The following EGFL8 variants were observed in gnomAD, a reference collection of about 807,000 sequenced individuals.
EGFL8 encodes epidermal growth factor-like protein 8.
In EGFL8, 32 loss-of-function variants were observed where a neutral mutation model predicts 39.4. That is an observed-to-expected ratio of 0.81 (90% CI 0.61 to 1.09). The LOEUF (loss-of-function observed/expected upper bound fraction) is 1.09, where lower values mean the gene tolerates loss of function less well. EGFL8 is among the 50% of genes least tolerant of loss of function. The pLI is 0.00. For missense variants in EGFL8, 385 were observed against 402.2 expected, an observed-to-expected ratio of 0.96 and a Z score of 0.37; for synonymous variants, 177 against 168.5, an observed-to-expected ratio of 1.05 and a Z score of -0.39.
Position 32,164,611 on chromosome 6 carries a change from T to G in EGFL8, c.-75T>G, listed in dbSNP as rs1784360848. 1 of 720,414 alleles carries G rather than the reference T, an allele frequency of 1.4e-6. No homozygotes were observed. The highest frequency in any genetic ancestry group is 2.6e-5 in the East Asian group (1 of 37,800). 44.6% of individuals were successfully genotyped at this position (720,414 alleles called of 1,614,324 possible). On this transcript the variant is annotated 5_prime_UTR_variant, in exon 1 of 9. Coordinates refer to ENST00000333845, the MANE Select transcript of EGFL8 (RefSeq NM_030652.4). The surrounding 1 kb of genome is among the most constrained non-coding windows in gnomAD (Gnocchi z 5.4). The stretch of plus-strand genomic sequence containing the variant: ...GGCCCACCCACCAGTCTGAGCTGCT[T>G]CTGCTGAGGCTGGTCTGCTTGAAGC...
Position 32,167,508 on chromosome 6 carries a change from C to G in EGFL8, c.687C>G (p.Ala229=). The G allele has an allele frequency of 6.2e-7, 1 of 1,607,978 alleles. No individual in the cohort carries two copies. Among genetic ancestry groups the G allele is most frequent in the Admixed American group, 1.7e-5 (1 of 59,970 alleles). The part of the protein sequence containing the change: ...RGRLERLEQW[A]GQAGAWVRAV... ...AGGCATCTCTTCCTTTCTAGTGGGC[C>G]GGTCAGGCTGGGGCCTGGGTCAGAG... Residue 229 remains alanine (A), a synonymous_variant, in exon 8 of 9, where the codon GCC becomes GCG. Coordinates refer to ENST00000333845, the MANE Select transcript of EGFL8 (RefSeq NM_030652.4). The surrounding 1 kb of genome is among the most constrained non-coding windows in gnomAD (Gnocchi z 6.4).
In EGFL8 at chr6:32,167,826, G is replaced by A. The variant is rs983693484; in HGVS notation, c.836-84G>A. ...CTGAAATCCTGTCCCCAGCCCAACAGTTTCACTTATTGTTTGGTGAGAGTG... is the reference window on the plus strand; with the variant it reads ...CTGAAATCCTGTCCCCAGCCCAACAATTTCACTTATTGTTTGGTGAGAGTG... On this transcript the variant is annotated intron_variant, in intron 8 of 8. Coordinates refer to ENST00000333845, the MANE Select transcript of EGFL8 (RefSeq NM_030652.4). This position sits in a 1 kb window ranked among gnomAD's most constrained non-coding sequence, Gnocchi z 6.4. 1 of 1,554,162 alleles carries A rather than the reference G, an allele frequency of 6.4e-7. No individual in the cohort carries two copies. The highest frequency in any genetic ancestry group is 1.4e-5 in the African/African-American group (1 of 73,430).
Position 32,166,831 on chromosome 6 carries a change from C to T in EGFL8, c.334+21C>T. 6.4e-7 allele frequency: 1 copy of T among 1,573,466 alleles called. No individual in the cohort carries two copies. The highest frequency in any genetic ancestry group is 2.2e-5 in the East Asian group (1 of 44,472). ...TGAAGGTGAGGCTGGGTCTTCCGGGCCTTGCGGGAGGCGCGCCCCACGGAG... is the reference window on the plus strand; with the variant it reads ...TGAAGGTGAGGCTGGGTCTTCCGGGTCTTGCGGGAGGCGCGCCCCACGGAG... On this transcript the variant is annotated intron_variant, in intron 4 of 8. Coordinates refer to ENST00000333845, the MANE Select transcript of EGFL8 (RefSeq NM_030652.4). This position sits in a 1 kb window ranked among gnomAD's most constrained non-coding sequence, Gnocchi z 7.3.
Position 32,167,039 on chromosome 6 carries a change from G to A in EGFL8, c.430+34G>A. ...GCTTGTCCTCCCCACCTACCCAGGTGCTTGCCCCCGCCCCCTCTCTCAGCC... is the reference window on the plus strand; with the variant it reads ...GCTTGTCCTCCCCACCTACCCAGGTACTTGCCCCCGCCCCCTCTCTCAGCC... On this transcript the variant is annotated intron_variant, in intron 5 of 8. Transcript: ENST00000333845. The surrounding 1 kb of genome is among the most constrained non-coding windows in gnomAD (Gnocchi z 6.4). 6.2e-7 allele frequency: 1 copy of A among 1,612,950 alleles called. No homozygotes were observed. The highest frequency in any genetic ancestry group is 8.5e-7 in the Non-Finnish European group (1 of 1,179,962).
chr6:32,166,704 C>T lies in EGFL8; in HGVS notation c.228C>T (p.Thr76=), dbSNP rs1408992200. 1 of 1,609,330 alleles carries T rather than the reference C, an allele frequency of 6.2e-7. No individual in the cohort carries two copies. The change falls in exon 4 of 9, where the codon ACC becomes ACT. Residue 76 remains threonine (T), a synonymous_variant. Transcript: ENST00000333845. This position sits in a 1 kb window ranked among gnomAD's most constrained non-coding sequence, Gnocchi z 7.3. ...TGAGCCGGGCGCTGTGTTCCAGGAC[C>T]ATGTACCGCGTTATGTGGCGGGAGG... ...AGRRICSTYR[T]MYRVMWREVR... is the part of the protein sequence containing the mutation.
chr6:32,166,960 C>CA lies in EGFL8; in HGVS notation c.386dup (p.Cys130ValfsTer18). 2 of 1,613,260 alleles carry CA rather than the reference C, an allele frequency of 1.2e-6. No individual in the cohort carries two copies. On this transcript the variant is annotated frameshift_variant, in exon 5 of 9. Coordinates refer to ENST00000333845, the MANE Select transcript of EGFL8 (RefSeq NM_030652.4). LOFTEE classifies it high-confidence loss of function. The surrounding 1 kb of genome is among the most constrained non-coding windows in gnomAD (Gnocchi z 7.3). ...CGGAGGCGTCTGCGTTAGGCCTGAC[C>CA]AGTGCGAGTGCGCCCCCGGCTGGGG...
Position 32,167,392 on chromosome 6 carries a change from T to C in EGFL8, c.644T>C (p.Ile215Thr). The change falls in exon 7 of 9, where the codon ATT becomes ACT. Residue 215 changes from isoleucine to threonine, a missense_variant. Physicochemically the swap from Ile to Thr is moderately conservative, Grantham distance 89. Coordinates refer to ENST00000333845, the MANE Select transcript of EGFL8 (RefSeq NM_030652.4). This position sits in a 1 kb window ranked among gnomAD's most constrained non-coding sequence, Gnocchi z 6.4. ...GATGAGCGCGCTCTGAAGCAGGAGA[T>C]TCACGAGCTGCGAGGGCGCCTGGAG... is the stretch of plus-strand genomic sequence containing the variant. ...EKDERALKQEIHELRGRLERL... is the reference protein window; with the variant it reads ...EKDERALKQETHELRGRLERL... 1 of 1,613,036 alleles carries C rather than the reference T, an allele frequency of 6.2e-7. No homozygotes were observed. The highest frequency in any genetic ancestry group is 8.5e-7 in the Non-Finnish European group (1 of 1,180,010).
chr6:32,167,814 C>A lies in EGFL8; in HGVS notation c.836-96C>A. On this transcript the variant is annotated intron_variant, in intron 8 of 8. Transcript: ENST00000333845. The surrounding 1 kb of genome is among the most constrained non-coding windows in gnomAD (Gnocchi z 6.4). Reference sequence around the variant, plus strand: ...CATCGTTCTCTTCTGAAATCCTGTCCCCAGCCCAACAGTTTCACTTATTGT... The same window carrying A: ...CATCGTTCTCTTCTGAAATCCTGTCACCAGCCCAACAGTTTCACTTATTGT... 1 of 1,542,670 alleles carries A rather than the reference C, an allele frequency of 6.5e-7. No homozygotes were observed. Among genetic ancestry groups the A allele is most frequent in the Non-Finnish European group, 8.9e-7 (1 of 1,122,602 alleles).
Position 32,166,520 on chromosome 6 carries a change from A to T in EGFL8, c.124A>T (p.Thr42Ser). Residue 42 changes from threonine to serine, a missense_variant, in exon 3 of 9, where the codon ACA becomes TCA. Thr to Ser is a moderately conservative substitution (Grantham distance 58, BLOSUM62 1). Coordinates refer to ENST00000333845, the MANE Select transcript of EGFL8 (RefSeq NM_030652.4). This position sits in a 1 kb window ranked among gnomAD's most constrained non-coding sequence, Gnocchi z 7.3. ...CAGTCAGGGAGTCTGCTCCAAGCAG[A>T]CACTGGTGGTCCCGCTCCACTACAA... ...RESQGVCSKQTLVVPLHYNES... is the reference protein window; with the variant it reads ...RESQGVCSKQSLVVPLHYNES... 6.2e-7 allele frequency: 1 copy of T among 1,613,770 alleles called. No homozygotes were observed. The highest frequency in any genetic ancestry group is 8.5e-7 in the Non-Finnish European group (1 of 1,180,018).
chr6:32,167,920 G>A lies in EGFL8; in HGVS notation c.846G>A (p.Glu282=). ...LEERLGACSC[E]DNSLGLGVNH... ...CATGTCATTAACCAGGCTCCTGTGA[G>A]GACAACAGCCTGGGCCTCGGCGTCA... Residue 282 remains glutamate, a synonymous_variant, in exon 9 of 9, where the codon GAG becomes GAA. Transcript: ENST00000333845. This position sits in a 1 kb window ranked among gnomAD's most constrained non-coding sequence, Gnocchi z 6.4. 1.2e-6 allele frequency: 2 copies of A among 1,614,216 alleles called. No individual in the cohort carries two copies. Among genetic ancestry groups the A allele is most frequent in the Non-Finnish European group, 1.7e-6 (2 of 1,180,034 alleles).
At position 32,166,573 on chromosome 6, in the gene EGFL8, G is replaced by A. The variant is rs1318450151; in HGVS notation, c.177G>A (p.Lys59=). The change falls in exon 3 of 9, where the codon AAG becomes AAA. Residue 59 remains lysine, a synonymous_variant. Transcript: ENST00000333845. The surrounding 1 kb of genome is among the most constrained non-coding windows in gnomAD (Gnocchi z 7.3). ...YNESYSQPVY[K]PYLTLCAGRR... is the part of the protein sequence containing the mutation. ...AGTCCTACAGCCAACCAGTGTACAA[G>A]CCCTACCTGACCTTGTGCGCTGGGA... is the stretch of plus-strand genomic sequence containing the variant. The A allele has an allele frequency of 6.2e-7, 1 of 1,614,212 alleles. No homozygotes were observed. The highest frequency in any genetic ancestry group is 8.5e-7 in the Non-Finnish European group (1 of 1,180,040).
In EGFL8 at chr6:32,166,378, G is replaced by A. The variant is rs1417506026; in HGVS notation, c.101+112G>A. On this transcript the variant is annotated intron_variant, in intron 2 of 8. Coordinates refer to ENST00000333845, the MANE Select transcript of EGFL8 (RefSeq NM_030652.4). The surrounding 1 kb of genome is among the most constrained non-coding windows in gnomAD (Gnocchi z 7.3). ...CTGTAAGTTTAGAATGGGGGTGAGAGGCTGTCATCTGGAGGGAGAGCGGGG... is the reference window on the plus strand; with the variant it reads ...CTGTAAGTTTAGAATGGGGGTGAGAAGCTGTCATCTGGAGGGAGAGCGGGG... 9.4e-6 allele frequency: 15 copies of A among 1,592,376 alleles called. No individual in the cohort carries two copies. The highest frequency in any genetic ancestry group is 1.3e-5 in the Non-Finnish European group (15 of 1,163,274).
rs1243890615 is a variant in EGFL8 at position 32,166,573 on chromosome 6, GC to G, written c.180del (p.Tyr61ThrfsTer2). On this transcript the variant is annotated frameshift_variant, in exon 3 of 9. Coordinates refer to ENST00000333845, the MANE Select transcript of EGFL8 (RefSeq NM_030652.4). LOFTEE classifies it high-confidence loss of function. This position sits in a 1 kb window ranked among gnomAD's most constrained non-coding sequence, Gnocchi z 7.3. Reference sequence around the variant, plus strand: ...AGTCCTACAGCCAACCAGTGTACAAGCCCTACCTGACCTTGTGCGCTGGGAG... The same window carrying G: ...AGTCCTACAGCCAACCAGTGTACAAGCCTACCTGACCTTGTGCGCTGGGAG... ...NESYSQPVYK[P>X]YLTLCAGRRI... is the part of the protein sequence containing the mutation. 2 of 1,614,094 alleles carry G rather than the reference GC, an allele frequency of 1.2e-6. No homozygotes were observed. Among genetic ancestry groups the G allele is most frequent in the Non-Finnish European group, 1.7e-6 (2 of 1,180,048 alleles).
At chr6:32,165,759 C>G in intron 1 of EGFL8, 2 of 270,524 alleles carry the variant, frequency 7.4e-6, no homozygotes, top group Non-Finnish European at 1.4e-5. Flanking sequence ...GCATTCCAGC[C>G]TGGGTAGTAA....
At position 32,167,679 on chromosome 6, in the gene EGFL8, CCTTGA is replaced by C; in HGVS notation, c.835+27_835+31del. The C allele has an allele frequency of 6.3e-7, 1 of 1,586,356 alleles. No homozygotes were observed. The highest frequency in any genetic ancestry group is 8.6e-7 in the Non-Finnish European group (1 of 1,165,714). On this transcript the variant is annotated intron_variant, in intron 8 of 8. Coordinates refer to ENST00000333845, the MANE Select transcript of EGFL8 (RefSeq NM_030652.4). The surrounding 1 kb of genome is among the most constrained non-coding windows in gnomAD (Gnocchi z 6.4). ...CCTGTGAGTCCTCACACTCCTCCCG[CCTTGA>C]CTTCTATTCCCCAACTTTCCCCAAG...
chr6:32,167,677 C>T lies in EGFL8; in HGVS notation c.835+21C>T, dbSNP rs776097251. 1.1e-5 allele frequency: 17 copies of T among 1,586,936 alleles called. 1 individual carries two copies. The highest frequency in any genetic ancestry group is 5.4e-5 in the African/African-American group (4 of 74,432). On this transcript the variant is annotated intron_variant, in intron 8 of 8. Transcript: ENST00000333845. This position sits in a 1 kb window ranked among gnomAD's most constrained non-coding sequence, Gnocchi z 6.4. Reference sequence around the variant, plus strand: ...TGCCTGTGAGTCCTCACACTCCTCCCGCCTTGACTTCTATTCCCCAACTTT... The same window carrying T: ...TGCCTGTGAGTCCTCACACTCCTCCTGCCTTGACTTCTATTCCCCAACTTT...
chr6:32,167,989 A>C lies in EGFL8; in HGVS notation c.*33A>C, dbSNP rs1378198398. 1 of 1,610,840 alleles carries C rather than the reference A, an allele frequency of 6.2e-7. No homozygotes were observed. Among genetic ancestry groups the C allele is most frequent in the Non-Finnish European group, 8.5e-7 (1 of 1,177,004 alleles). On this transcript the variant is annotated 3_prime_UTR_variant, in exon 9 of 9. Coordinates refer to ENST00000333845, the MANE Select transcript of EGFL8 (RefSeq NM_030652.4). The surrounding 1 kb of genome is among the most constrained non-coding windows in gnomAD (Gnocchi z 6.4). ...CTACAGCACCCCTGCCCCCTAATTT[A>C]TACAGAAACCGGACCCACTAATCCT... is the stretch of plus-strand genomic sequence containing the variant.
Position 32,167,735 on chromosome 6 carries a change from C to T in EGFL8, c.835+79C>T. The T allele has an allele frequency of 6.4e-7, 1 of 1,553,376 alleles. No homozygotes were observed. ...ACCCCTCTCCATTCAGGCATTCCCTCTTTCCTCCAAGCCCCTCTCCAACAT... is the reference window on the plus strand; with the variant it reads ...ACCCCTCTCCATTCAGGCATTCCCTTTTTCCTCCAAGCCCCTCTCCAACAT... On this transcript the variant is annotated intron_variant, in intron 8 of 8. Transcript: ENST00000333845. This position sits in a 1 kb window ranked among gnomAD's most constrained non-coding sequence, Gnocchi z 6.4.
Position 32,166,603 on chromosome 6 carries a change from CA to C in EGFL8, c.208del (p.Ile70SerfsTer16). On this transcript the variant is annotated frameshift_variant, in exon 3 of 9. Transcript: ENST00000333845. LOFTEE classifies it high-confidence loss of function. This position sits in a 1 kb window ranked among gnomAD's most constrained non-coding sequence, Gnocchi z 7.3. The part of the protein sequence containing the change: ...PYLTLCAGRR[I>X]CSTYRTMYRV... ...ACCTGACCTTGTGCGCTGGGAGGCGCATCTGCAGCACTTACAGGTGAGGGAT... is the reference window on the plus strand; with the variant it reads ...ACCTGACCTTGTGCGCTGGGAGGCGCTCTGCAGCACTTACAGGTGAGGGAT... 1 of 1,614,220 alleles carries C rather than the reference CA, an allele frequency of 6.2e-7. No individual in the cohort carries two copies. Among genetic ancestry groups the C allele is most frequent in the South Asian group, 1.1e-5 (1 of 91,084 alleles).
Sources: gnomAD v4.1 joint callset for allele counts on GRCh38, gnomAD v4.1.1 for gene constraint, Gnocchi (gnomAD v3.1) non-coding constraint, MANE v1.5 for transcripts, NCBI Gene and HGNC (gene_info 2026-07-23, HGNC 2026-07-21) for gene names.